Variants in POU4F2 observed in about 807,000 individuals in gnomAD.
POU4F2 encodes POU domain, class 4, transcription factor 2.
POU4F2 carries 10 observed loss-of-function variants against 21.5 expected under a neutral mutation model. The observed-to-expected ratio is 0.46, with a 90% confidence interval of 0.29 to 0.79. The LOEUF (loss-of-function observed/expected upper bound fraction) is 0.79, where lower values mean the gene tolerates loss of function less well. Ranked by LOEUF, POU4F2 falls within the 30% of genes least tolerant of loss-of-function variation. The pLI, the probability that POU4F2 is intolerant of heterozygous loss-of-function variation, is 0.10. For missense variants in POU4F2, 623 were observed against 603.3 expected (o/e 1.03, Z -0.34); for synonymous variants, 324 against 271.1 (o/e 1.20, Z -1.92).
At position 146,641,596 on chromosome 4, in the gene POU4F2, GT is replaced by G. The variant is rs1740887934; in HGVS notation, c.*791del. On this transcript the variant is annotated 3_prime_UTR_variant, in exon 2 of 2. Transcript: ENST00000281321. ...TAGCTAGTAACGTTCAAAAAATTTT[GT>G]TTGATGAGTTTACCGAATTTTTACA... 2 of 152,550 alleles carry G rather than the reference GT, an allele frequency of 1.3e-5. No homozygotes were observed. Among genetic ancestry groups the G allele is most frequent in the Non-Finnish European group, 2.9e-5 (2 of 68,002 alleles). 9.4% of individuals were successfully genotyped at this position (152,550 alleles called of 1,614,324 possible). A position where few individuals can be genotyped will look rare whatever the true frequency, so the allele number is the denominator to read the frequency against.
rs773565628 is a variant in POU4F2 at position 146,639,926 on chromosome 4, C to A, written c.348C>A (p.Ala116=). 4 of 1,593,660 alleles carry A rather than the reference C, an allele frequency of 2.5e-6. No homozygotes were observed. Among genetic ancestry groups the A allele is most frequent in the African/African-American group, 2.7e-5 (2 of 74,638 alleles). ...SLLARAEALA[A]VDIVSQSKSH... ...TGGCCCGCGCCGAGGCTCTGGCAGC[C>A]GTGGACATCGTCTCCCAGAGCAAGA... The change falls in exon 2 of 2, where the codon GCC becomes GCA. Residue 116 remains alanine, a synonymous_variant. Coordinates refer to ENST00000281321, the MANE Select transcript of POU4F2 (RefSeq NM_004575.3).
chr4:146,638,966 CG>C lies in POU4F2; in HGVS notation c.-174del, dbSNP rs1740809973. ...CCGTTCAGACTGACAGCAGAGGCGGCGAAGGAGCGCGTAGCCGAGATCAGGC... is the reference window on the plus strand; with the variant it reads ...CCGTTCAGACTGACAGCAGAGGCGGCAAGGAGCGCGTAGCCGAGATCAGGC... On this transcript the variant is annotated 5_prime_UTR_variant, in exon 1 of 2. Coordinates refer to ENST00000281321, the MANE Select transcript of POU4F2 (RefSeq NM_004575.3). 7.7e-6 allele frequency: 6 copies of C among 778,068 alleles called. No individual in the cohort carries two copies. The highest frequency in any genetic ancestry group is 1.2e-5 in the Non-Finnish European group (6 of 516,920). The allele number at this position is 778,068 out of a possible 1,614,324, so 48.2% of individuals were successfully genotyped here. A position where few individuals can be genotyped will look rare whatever the true frequency, so the allele number is the denominator to read the frequency against.
At chr4:146,639,751 C>G (rs953910794) in intron 1 of POU4F2, 116 bp from the exon 2 acceptor site, 2 of 1,044,816 alleles carry the variant, frequency 1.9e-6, no homozygotes, top group African/African-American at 3.3e-5. Context: ...ATTATTTTAA[C>G]GATCTGGGAA....
At position 146,641,358 on chromosome 4, in the gene POU4F2, T is replaced by A. The variant is rs890317685; in HGVS notation, c.*550T>A. ...TTTACACTGTATATTATATATATATTTTTATTGTGGTTCTTACCCCCTTTT... is the reference window on the plus strand; with the variant it reads ...TTTACACTGTATATTATATATATATATTTATTGTGGTTCTTACCCCCTTTT... On this transcript the variant is annotated 3_prime_UTR_variant, in exon 2 of 2. Transcript: ENST00000281321. The A allele has an allele frequency of 2.0e-5, 3 of 152,612 alleles. No individual in the cohort carries two copies. Among genetic ancestry groups the A allele is most frequent in the African/African-American group, 7.2e-5 (3 of 41,436 alleles). The allele number at this position is 152,612 out of a possible 1,614,324, so 9.5% of individuals were successfully genotyped here. A position where few individuals can be genotyped will look rare whatever the true frequency, so the allele number is the denominator to read the frequency against.
rs1740826318 is a variant in POU4F2 at position 146,639,411 on chromosome 4, T to G, written c.271T>G (p.Cys91Gly). Residue 91 changes from cysteine (C) to glycine (G), a missense_variant, in exon 1 of 2, where the codon TGT becomes GGT. Transcript: ENST00000281321. ...GGGSEAMRRA[C>G]LPTPPSNIFG... is the part of the protein sequence containing the mutation. Reference sequence around the variant, plus strand: ...GGGCTCGGAGGCTATGCGGAGAGCCTGTCTTCCAACCCCACCGGTGCGTAT... The same window carrying G: ...GGGCTCGGAGGCTATGCGGAGAGCCGGTCTTCCAACCCCACCGGTGCGTAT... The G allele has an allele frequency of 6.8e-7, 1 of 1,465,730 alleles. No individual in the cohort carries two copies. The highest frequency in any genetic ancestry group is 1.5e-5 in the South Asian group (1 of 64,964). 90.8% of individuals were successfully genotyped at this position (1,465,730 alleles called of 1,614,324 possible).
intron 1 of POU4F2, among the ~76,000 whole-genome samples, chr4:146,639,661 C>T (rs1022897703): frequency 2.6e-5 from 4 of 151,834 alleles, no homozygotes; most frequent in Non-Finnish European, 5.9e-5. Context: ...GCTCACTTTC[C>T]TCCTCCTCCT....
In POU4F2 at chr4:146,639,399, A is replaced by C; in HGVS notation, c.259A>C (p.Met87Leu). The change falls in exon 1 of 2, where the codon ATG (methionine) becomes CTG (leucine). Residue 87 changes from methionine to leucine, a missense_variant. Coordinates refer to ENST00000281321, the MANE Select transcript of POU4F2 (RefSeq NM_004575.3). Reference protein sequence around the residue: ...GSSGGGGSEAMRRACLPTPPS... With the variant: ...GSSGGGGSEALRRACLPTPPS... ...CAGCGGCGGCGGGGGCTCGGAGGCT[A>C]TGCGGAGAGCCTGTCTTCCAACCCC... 1.6e-5 allele frequency: 24 copies of C among 1,468,276 alleles called. No individual in the cohort carries two copies. Among genetic ancestry groups the C allele is most frequent in the Non-Finnish European group, 2.1e-5 (24 of 1,118,018 alleles). 91.0% of individuals were successfully genotyped at this position (1,468,276 alleles called of 1,614,324 possible). A position where few individuals can be genotyped will look rare whatever the true frequency, so the allele number is the denominator to read the frequency against.
Position 146,640,587 on chromosome 4 carries a change from C to G in POU4F2, c.1009C>G (p.Pro337Ala). The G allele has an allele frequency of 6.2e-7, 1 of 1,614,048 alleles. No individual in the cohort carries two copies. The highest frequency in any genetic ancestry group is 1.1e-5 in the South Asian group (1 of 91,038). ...EKSHREKLTK[P>A]ELFNGAEKKR... The stretch of plus-strand genomic sequence containing the variant: ...GTCCCACCGCGAGAAGCTCACCAAG[C>G]CTGAACTCTTCAATGGCGCGGAGAA... Residue 337 changes from proline (P) to alanine (A), a missense_variant, in exon 2 of 2, where the codon CCT (proline) becomes GCT (alanine). Pro to Ala is a conservative substitution (Grantham distance 27). This residue lies in a region of POU4F2 where 523 missense variants were observed against 504.1 expected (regional missense o/e 1.04). Coordinates refer to ENST00000281321, the MANE Select transcript of POU4F2 (RefSeq NM_004575.3). This position sits in a 1 kb window ranked among gnomAD's most constrained non-coding sequence, Gnocchi z 4.8.
rs1231184087 is a variant in POU4F2 at position 146,641,469 on chromosome 4, A to G, written c.*661A>G. On this transcript the variant is annotated 3_prime_UTR_variant, in exon 2 of 2. Coordinates refer to ENST00000281321, the MANE Select transcript of POU4F2 (RefSeq NM_004575.3). ...AAAGCTATTATTAGATTATTGCAGA[A>G]CAACCCTCTGTAAATTATTAATTTA... The G allele has an allele frequency of 6.6e-6, 1 of 152,650 alleles. No homozygotes were observed. The highest frequency in any genetic ancestry group is 1.5e-5 in the Non-Finnish European group (1 of 68,042). The allele number at this position is 152,650 out of a possible 1,614,324, so 9.5% of individuals were successfully genotyped here.
At position 146,639,983 on chromosome 4, in the gene POU4F2, C is replaced by T. The variant is rs1257148510; in HGVS notation, c.405C>T (p.Pro135=). 1 of 1,613,298 alleles carries T rather than the reference C, an allele frequency of 6.2e-7. No homozygotes were observed. The highest frequency in any genetic ancestry group is 2.2e-5 in the East Asian group (1 of 44,864). The part of the protein sequence containing the change: ...SHHHHPPHHS[P]FKPDATYHTM... ...ACCACCATCCACCCCACCACAGCCC[C>T]TTCAAACCGGACGCCACCTACCACA... The change falls in exon 2 of 2, where the codon CCC becomes CCT. Residue 135 remains proline, a synonymous_variant. Transcript: ENST00000281321.
In POU4F2 at chr4:146,640,064, G is replaced by T. The variant is rs1440853467; in HGVS notation, c.486G>T (p.Ser162=). 3.7e-6 allele frequency: 6 copies of T among 1,607,184 alleles called. No individual in the cohort carries two copies. Among genetic ancestry groups the T allele is most frequent in the Non-Finnish European group, 5.1e-6 (6 of 1,179,844 alleles). ...CCTCTTCTTCATCGGTGCCCATCTC[G>T]CACCCTTCCGCGTTGGCGGGCACGC... ...SAASSSSVPI[S]HPSALAGTHH... The change falls in exon 2 of 2, where the codon TCG becomes TCT. Residue 162 remains serine, a synonymous_variant. Transcript: ENST00000281321. The surrounding 1 kb of genome is among the most constrained non-coding windows in gnomAD (Gnocchi z 4.8).
chr4:146,638,966 C>T lies in POU4F2; in HGVS notation c.-175C>T, dbSNP rs1740809937. 3.9e-6 allele frequency: 3 copies of T among 778,062 alleles called. No homozygotes were observed. The highest frequency in any genetic ancestry group is 5.8e-6 in the Non-Finnish European group (3 of 516,914). The allele number at this position is 778,062 out of a possible 1,614,324, so 48.2% of individuals were successfully genotyped here. ...CCGTTCAGACTGACAGCAGAGGCGG[C>T]GAAGGAGCGCGTAGCCGAGATCAGG... On this transcript the variant is annotated 5_prime_UTR_variant, in exon 1 of 2. Transcript: ENST00000281321.
In POU4F2 at chr4:146,639,958, ACCACCATCCACC is replaced by A; in HGVS notation, c.387_398del (p.Pro130_His133del). On this transcript the variant is annotated inframe_deletion, in exon 2 of 2. Transcript: ENST00000281321. ...ATCGTCTCCCAGAGCAAGAGCCACC[ACCACCATCCACC>A]CCACCACAGCCCCTTCAAACCGGAC... 15 of 1,610,678 alleles carry A rather than the reference ACCACCATCCACC, an allele frequency of 9.3e-6. No individual in the cohort carries two copies. Among genetic ancestry groups the A allele is most frequent in the Non-Finnish European group, 1.2e-5 (14 of 1,178,084 alleles).
Position 146,640,991 on chromosome 4 carries a change from A to C in POU4F2, c.*183A>C, listed in dbSNP as rs1339697047. On this transcript the variant is annotated 3_prime_UTR_variant, in exon 2 of 2. Transcript: ENST00000281321. The surrounding 1 kb of genome is among the most constrained non-coding windows in gnomAD (Gnocchi z 4.8). ...GCCCAAGCCGGTGAGAATGTGAAAC[A>C]GTTTCTCAAAGGAAAGAATAACAAA... 2 of 595,142 alleles carry C rather than the reference A, an allele frequency of 3.4e-6. No homozygotes were observed. Among genetic ancestry groups the C allele is most frequent in the Non-Finnish European group, 5.4e-6 (2 of 368,020 alleles). The allele number at this position is 595,142 out of a possible 1,614,324, so 36.9% of individuals were successfully genotyped here.
rs1740808607 is a variant in POU4F2, at chr4:146,638,928, C to T, written c.-213C>T. The T allele has an allele frequency of 3.4e-6, 2 of 593,910 alleles. No homozygotes were observed. The highest frequency in any genetic ancestry group is 2.0e-5 in the African/African-American group (1 of 50,134). 36.8% of individuals were successfully genotyped at this position (593,910 alleles called of 1,614,324 possible). ...GCCGAGGTCTGCAGCTAGCGGCAAG[C>T]GGAGTCAGGCATCCGTTCAGACTGA... On this transcript the variant is annotated 5_prime_UTR_variant, in exon 1 of 2. Coordinates refer to ENST00000281321, the MANE Select transcript of POU4F2 (RefSeq NM_004575.3).
chr4:146,640,634 C>G lies in POU4F2; in HGVS notation c.1056C>G (p.Ile352Met), dbSNP rs755801755. Residue 352 changes from isoleucine (I) to methionine (M), a missense_variant, in exon 2 of 2, where the codon ATC becomes ATG. By Grantham distance (10) the Ile-to-Met change is conservative. Around this residue, in one of 3 missense-constraint regions of POU4F2, gnomAD observed 523 missense variants for 504.1 expected, o/e 1.04. Transcript: ENST00000281321. The surrounding 1 kb of genome is among the most constrained non-coding windows in gnomAD (Gnocchi z 4.8). Reference sequence around the variant, plus strand: ...AGAAGAAGCGCAAGCGCACGTCCATCGCTGCGCCAGAGAAGCGCTCGCTCG... The same window carrying G: ...AGAAGAAGCGCAAGCGCACGTCCATGGCTGCGCCAGAGAAGCGCTCGCTCG... ...GAEKKRKRTS[I>M]AAPEKRSLEA... The G allele has an allele frequency of 1.2e-6, 2 of 1,614,256 alleles. No homozygotes were observed. The highest frequency in any genetic ancestry group is 2.2e-5 in the East Asian group (1 of 44,888).
Position 146,638,964 on chromosome 4 carries a change from G to A in POU4F2, c.-177G>A. 2.6e-6 allele frequency: 2 copies of A among 758,856 alleles called. No homozygotes were observed. The highest frequency in any genetic ancestry group is 4.0e-6 in the Non-Finnish European group (2 of 499,176). The allele number at this position is 758,856 out of a possible 1,614,324, so 47.0% of individuals were successfully genotyped here. Reference sequence around the variant, plus strand: ...ATCCGTTCAGACTGACAGCAGAGGCGGCGAAGGAGCGCGTAGCCGAGATCA... The same window carrying A: ...ATCCGTTCAGACTGACAGCAGAGGCAGCGAAGGAGCGCGTAGCCGAGATCA... On this transcript the variant is annotated 5_prime_UTR_variant, in exon 1 of 2. Transcript: ENST00000281321.
Position 146,642,104 on chromosome 4 carries a change from T to C in POU4F2, c.*1296T>C, listed in dbSNP as rs1740899079. On this transcript the variant is annotated 3_prime_UTR_variant, in exon 2 of 2. Coordinates refer to ENST00000281321, the MANE Select transcript of POU4F2 (RefSeq NM_004575.3). Reference sequence around the variant, plus strand: ...TTTGTAGAAAAACTAATTTGAACTATAAGAAAGACAGTGCACTGCTTGTAA... The same window carrying C: ...TTTGTAGAAAAACTAATTTGAACTACAAGAAAGACAGTGCACTGCTTGTAA... 6.6e-6 allele frequency: 1 copy of C among 152,666 alleles called. No individual in the cohort carries two copies. Among genetic ancestry groups the C allele is most frequent in the South Asian group, 2.1e-4 (1 of 4,834 alleles). 9.5% of individuals were successfully genotyped at this position (152,666 alleles called of 1,614,324 possible).
In POU4F2 at chr4:146,640,440, A is replaced by G; in HGVS notation, c.862A>G (p.Ile288Val). ...DVGSALANLK[I>V]PGVGSLSQST... is the part of the protein sequence containing the mutation. ...GGGCTCCGCGCTGGCCAACCTCAAG[A>G]TCCCCGGCGTGGGCTCGCTTAGCCA... is the stretch of plus-strand genomic sequence containing the variant. The change falls in exon 2 of 2, where the codon ATC (isoleucine) becomes GTC (valine). Residue 288 changes from isoleucine to valine, a missense_variant. By Grantham distance (29) the Ile-to-Val change is conservative. Transcript: ENST00000281321. The surrounding 1 kb of genome is among the most constrained non-coding windows in gnomAD (Gnocchi z 4.8). 6.2e-7 allele frequency: 1 copy of G among 1,613,370 alleles called. No homozygotes were observed. Among genetic ancestry groups the G allele is most frequent in the Non-Finnish European group, 8.5e-7 (1 of 1,179,972 alleles).
Sources: allele counts gnomAD v4.1 joint callset (sites outside exome capture counted in the v4.1 genomes callset), GRCh38; gene constraint gnomAD v4.1.1; regional missense constraint gnomAD v4.1.1; non-coding constraint Gnocchi (gnomAD v3.1); transcripts MANE v1.5; gene names NCBI Gene and HGNC (gene_info 2026-07-23, HGNC 2026-07-21).